The following STAU2 variants were observed in gnomAD, a reference collection of about 807,000 sequenced individuals.
STAU2 encodes double-stranded RNA-binding protein Staufen homolog 2.
STAU2 carries 20 observed loss-of-function variants against 65.9 expected under a neutral mutation model. That is an observed-to-expected ratio of 0.30 (90% CI 0.21 to 0.44). STAU2 has a LOEUF of 0.44. Ranked by LOEUF, STAU2 falls within the 20% of genes least tolerant of loss-of-function variation. The pLI, the probability that STAU2 is intolerant of heterozygous loss-of-function variation, is 1.00. For synonymous variants in STAU2, 232 were observed against 233.9 expected (o/e 0.99, Z 0.07); for missense variants, 558 against 683.9 (o/e 0.82, Z 2.05).
chr8:73,685,219 T>C (rs1472653660), intron 5 of STAU2, among the ~76,000 whole-genome samples: 2 of 152,098 alleles, frequency 1.3e-5, no homozygotes, highest in Non-Finnish European at 2.9e-5. Context: ...TCAATTAAAC[T>C]TCCTCCTTTC....
At chr8:73,715,318 T>C (rs1821175779) in intron 3 of STAU2, among the ~76,000 whole-genome samples, 1 of 151,906 alleles carries the variant, frequency 6.6e-6, no homozygotes, top group African/African-American at 2.4e-5. Context: ...CAGCCAGGCA[T>C]GGTGGCACAT....
chr8:73,456,573 AG>A (rs1819084250), intron 13 of STAU2, among the ~76,000 whole-genome samples: 1 of 151,738 alleles, frequency 6.6e-6, no homozygotes, highest in Non-Finnish European at 1.5e-5. Flanking sequence ...GCAGGAAGGG[AG>A]GGGGCAGAAC....
intron 13 of STAU2, among the ~76,000 whole-genome samples, chr8:73,510,220 A>C (rs1171918340): frequency 6.6e-6 from 1 of 152,052 alleles, no homozygotes; most frequent in Admixed American, 6.6e-5. Context: ...GGCATGTGCC[A>C]CCACACCCAG....
chr8:73,611,017 T>C (rs1185951633), intron 9 of STAU2, among the ~76,000 whole-genome samples: 1 of 151,072 alleles, frequency 6.6e-6, no homozygotes, highest in African/African-American at 2.5e-5. Context: ...GATTAAGTGA[T>C]CAAATGAGAC....
chr8:73,723,876 T>C (rs1419842322), intron 3 of STAU2, among the ~76,000 whole-genome samples: 1 of 152,268 alleles, frequency 6.6e-6, no homozygotes, highest in Non-Finnish European at 1.5e-5. Context: ...TTTGCATACA[T>C]GGTAATCTTT....
At chr8:73,552,973 C>T (rs986797904) in intron 12 of STAU2, among the ~76,000 whole-genome samples, 1 of 152,138 alleles carries the variant, frequency 6.6e-6, no homozygotes, top group Non-Finnish European at 1.5e-5. Context: ...TACTCATAAG[C>T]AAGTAGTTAT....
intron 6 of STAU2, among the ~76,000 whole-genome samples, chr8:73,629,815 G>A (rs1163243032): frequency 2.0e-5 from 3 of 152,172 alleles, no homozygotes; most frequent in Non-Finnish European, 2.9e-5. Flanking sequence ...CACCCAGGCT[G>A]AAGTGTAGTC....
At chr8:73,646,635 G>C (rs898915035) in intron 6 of STAU2, among the ~76,000 whole-genome samples, 1 of 151,992 alleles carries the variant, frequency 6.6e-6, no homozygotes, top group African/African-American at 2.4e-5. Flanking sequence ...GAAAACCTAG[G>C]AGAACACCTT....
At chr8:73,727,375 T>G (rs577711708) in intron 3 of STAU2, among the ~76,000 whole-genome samples, 1 of 152,240 alleles carries the variant, frequency 6.6e-6, no homozygotes, top group Non-Finnish European at 1.5e-5. Context: ...CAGTTGCTTC[T>G]CATTCACCCT....
chr8:73,483,154 GA>G (rs1038200581), intron 13 of STAU2, among the ~76,000 whole-genome samples: 1 of 152,116 alleles, frequency 6.6e-6, no homozygotes. Flanking sequence ...TGGAGTTACA[GA>G]AAAAGTGCTT....
chr8:73,658,934 C>CAACA (rs1816598555), intron 6 of STAU2, among the ~76,000 whole-genome samples: 1 of 96,734 alleles, frequency 1.0e-5, no homozygotes, highest in African/African-American at 2.9e-5. Context: ...ACAACAACAA[C>CAACA]AAAAACAACA....
At chr8:73,572,606 A>T (rs1182824826) in intron 12 of STAU2, among the ~76,000 whole-genome samples, 1 of 152,254 alleles carries the variant, frequency 6.6e-6, no homozygotes, top group Non-Finnish European at 1.5e-5. Context: ...AATGCAAATC[A>T]ATAAATGTAA....
At chr8:73,641,494 A>T (rs1814965557) in intron 6 of STAU2, among the ~76,000 whole-genome samples, 1 of 152,234 alleles carries the variant, frequency 6.6e-6, no homozygotes, top group Admixed American at 6.5e-5. Flanking sequence ...CTTACCCTTT[A>T]ACTAGTTGTT....
chr8:73,549,620 T>A lies in STAU2; in HGVS notation c.1530+2392A>T, dbSNP rs373629781. 8.1e-6 allele frequency: 8 copies of A among 983,728 alleles called. No individual in the cohort carries two copies. The South Asian group carries it at 3.8e-4, about 46-fold the overall frequency. The allele number at this position is 983,728 out of a possible 1,614,324, so 60.9% of individuals were successfully genotyped here. ...AACAACTTTGTTTTCAATACACTCA[T>A]ATATTTTTACTTTGTAATACAATAT... On this transcript the variant is annotated intron_variant, in intron 13 of 14. Coordinates refer to ENST00000524300, the MANE Select transcript of STAU2 (RefSeq NM_001164380.2).
chr8:73,610,718 C>CT (rs1812387924), intron 9 of STAU2, among the ~76,000 whole-genome samples: 1 of 152,140 alleles, frequency 6.6e-6, no homozygotes, highest in Non-Finnish European at 1.5e-5. Context: ...CATTTGATCT[C>CT]TAAGATTAGA....
chr8:73,533,494 G>C (rs1482369762), intron 13 of STAU2, among the ~76,000 whole-genome samples: 4 of 152,148 alleles, frequency 2.6e-5, no homozygotes, highest in Non-Finnish European at 5.9e-5. Context: ...ACCCAGATGA[G>C]ATACTATACT....
chr8:73,630,336 T>C (rs191699759), intron 6 of STAU2, among the ~76,000 whole-genome samples: 6 of 152,220 alleles, frequency 3.9e-5, no homozygotes, highest in African/African-American at 1.4e-4. Flanking sequence ...ATCTTTGCCA[T>C]GTACCCTGAG....
chr8:73,551,843 G>A, intron 13 of STAU2, 169 bp downstream of exon 13: 1 of 1,288,368 alleles, frequency 7.8e-7, no homozygotes, highest in African/African-American at 1.5e-5. Context: ...GAGAAAATGA[G>A]GCATGTGCAT....
Position 73,739,752 on chromosome 8 carries a change from T to C in STAU2, c.-84+4A>G. The C allele has an allele frequency of 6.6e-7, 1 of 1,508,484 alleles. No homozygotes were observed. Among genetic ancestry groups the C allele is most frequent in the Non-Finnish European group, 8.8e-7 (1 of 1,137,372 alleles). 93.4% of individuals were successfully genotyped at this position (1,508,484 alleles called of 1,614,324 possible). On this transcript the variant is annotated splice_donor_region_variant and intron_variant, in intron 2 of 14. Transcript: ENST00000524300. Reference sequence around the variant, plus strand: ...TGAGTTTTAGTCAAAGTTCTTCAGATTACCTTCTGAGCCTTGGTTCAAATT... The same window carrying C: ...TGAGTTTTAGTCAAAGTTCTTCAGACTACCTTCTGAGCCTTGGTTCAAATT...
Sources: allele counts gnomAD v4.1 joint callset (sites outside exome capture counted in the v4.1 genomes callset), GRCh38; gene constraint gnomAD v4.1.1; transcripts MANE v1.5; gene names NCBI Gene and HGNC (gene_info 2026-07-23, HGNC 2026-07-21).